MSH3: variants seen among roughly 807,000 people sequenced by gnomAD.
The protein encoded by MSH3 is DNA mismatch repair protein Msh3.
A neutral mutation model predicts 123.3 loss-of-function variants in MSH3; 106 were observed. The observed-to-expected ratio is 0.86, with a 90% CI of 0.73 to 1.01. The LOEUF is 1.01. Among genes scored for constraint, MSH3 ranks in the 50% least tolerant of loss-of-function variants. The pLI, the probability that MSH3 is intolerant of heterozygous loss-of-function variation, is 0.00. For synonymous variants in MSH3, 515 were observed against 481.4 expected (o/e 1.07, Z -0.91); for missense variants, 1,459 against 1,347.6 (o/e 1.08, Z -1.29).
chr5:80,863,363 A>G (rs368137977), intron 21 of MSH3, among the ~76,000 whole-genome samples: 2 of 152,130 alleles, frequency 1.3e-5, no homozygotes, highest in South Asian at 2.1e-4. Flanking sequence ...ACATAAATCA[A>G]ATACATTTAA....
At chr5:80,694,231 C>T (rs1750417420) in intron 8 of MSH3, among the ~76,000 whole-genome samples, 1 of 152,180 alleles carries the variant, frequency 6.6e-6, no homozygotes. Context: ...GTATTCATTA[C>T]CTCAGGATCT....
intron 10 of MSH3, among the ~76,000 whole-genome samples, chr5:80,740,579 C>G (rs1261443424): frequency 6.6e-6 from 1 of 152,064 alleles, no homozygotes; most frequent in African/African-American, 2.4e-5. Context: ...CCAGGATGGT[C>G]TCCATCTCTT....
At chr5:80,793,922 A>T (rs1400713215) in intron 19 of MSH3, among the ~76,000 whole-genome samples, 2 of 152,178 alleles carry the variant, frequency 1.3e-5, no homozygotes, top group African/African-American at 4.8e-5. Flanking sequence ...ATACTCCTGC[A>T]TAGGGAAGAG....
chr5:80,689,023 G>C (rs745833108), intron 8 of MSH3, among the ~76,000 whole-genome samples: 1 of 152,190 alleles, frequency 6.6e-6, no homozygotes, highest in African/African-American at 2.4e-5. Flanking sequence ...GAATAACATG[G>C]TGCCTAAATT....
chr5:80,705,869 T>C (rs1230862279), intron 8 of MSH3, among the ~76,000 whole-genome samples: 2 of 152,180 alleles, frequency 1.3e-5, no homozygotes, highest in Non-Finnish European at 2.9e-5. Context: ...GGCCTCACTT[T>C]AACTCTCTGC....
At chr5:80,822,503 A>T (rs913320904) in intron 20 of MSH3, among the ~76,000 whole-genome samples, 1 of 152,238 alleles carries the variant, frequency 6.6e-6, no homozygotes, top group Non-Finnish European at 1.5e-5. Context: ...ATGTGTGAGT[A>T]TAGTGCTCAC....
intron 20 of MSH3, among the ~76,000 whole-genome samples, chr5:80,843,553 G>A (rs6453527): frequency 0.7 from 106,333 of 151,278 alleles, 37,346 homozygotes; most frequent in South Asian, 0.8. Flanking sequence ...TTTGGTTGGT[G>A]GGCTATTAAT....
intron 17 of MSH3, among the ~76,000 whole-genome samples, chr5:80,780,754 G>A (rs761109504): frequency 2.0e-5 from 3 of 152,114 alleles, no homozygotes; most frequent in East Asian, 1.9e-4. Flanking sequence ...GTAATCCCAC[G>A]TAACTCAGTA....
intron 4 of MSH3, among the ~76,000 whole-genome samples, chr5:80,670,963 T>C (rs1749711543): frequency 6.6e-6 from 1 of 151,760 alleles, no homozygotes; most frequent in Non-Finnish European, 1.5e-5. Context: ...CTACTAAAAA[T>C]ATTAAAAAAA....
At chr5:80,765,834 G>T (rs1339759018) in intron 13 of MSH3, among the ~76,000 whole-genome samples, 1 of 152,090 alleles carries the variant, frequency 6.6e-6, no homozygotes, top group Non-Finnish European at 1.5e-5. Context: ...GAACCTTCCT[G>T]AGAAAGCACG....
intron 22 of MSH3, among the ~76,000 whole-genome samples, chr5:80,871,892 GT>G (rs1340459435): frequency 6.6e-6 from 1 of 152,134 alleles, no homozygotes; most frequent in Non-Finnish European, 1.5e-5. Context: ...ACAACAACCA[GT>G]CACTGGCTGT....
chr5:80,845,469 TCTC>T (rs1432115347), intron 20 of MSH3, among the ~76,000 whole-genome samples: 4 of 152,334 alleles, frequency 2.6e-5, no homozygotes, highest in South Asian at 2.1e-4. Flanking sequence ...TTAGGGAACT[TCTC>T]CTAGATAATA....
chr5:80,665,962 C>A (rs1677628), intron 3 of MSH3, among the ~76,000 whole-genome samples: 42,191 of 152,070 alleles, frequency 0.28, 6,092 homozygotes, highest in Middle Eastern at 0.35. Flanking sequence ...TGGAGAACTT[C>A]AAACAAAAAT....
chr5:80,679,111 T>C lies in MSH3; in HGVS notation c.1340+18T>C. On this transcript the variant is annotated intron_variant, in intron 8 of 23. Coordinates refer to ENST00000265081, the MANE Select transcript of MSH3 (RefSeq NM_002439.5). ...TCTGTTAGGTAAGTTGGCACATCAC[T>C]GGAATATAATACCGATTCTGAAACT... The C allele has an allele frequency of 1.2e-6, 2 of 1,612,308 alleles. No homozygotes were observed. The highest frequency in any genetic ancestry group is 2.2e-5 in the East Asian group (1 of 44,876).
At chr5:80,794,215 C>T (rs1232072051) in intron 19 of MSH3, among the ~76,000 whole-genome samples, 1 of 152,160 alleles carries the variant, frequency 6.6e-6, no homozygotes, top group Non-Finnish European at 1.5e-5. Flanking sequence ...CTAAGAAGGG[C>T]TTCAGCATCT....
At chr5:80,822,255 C>G (rs1468752906) in intron 20 of MSH3, among the ~76,000 whole-genome samples, 1 of 152,190 alleles carries the variant, frequency 6.6e-6, no homozygotes. Context: ...TACTTGAGCA[C>G]AAATCTTGCT....
chr5:80,732,411 TGTG>T (rs1580591791), intron 10 of MSH3, among the ~76,000 whole-genome samples: 1 of 151,776 alleles, frequency 6.6e-6, no homozygotes, highest in African/African-American at 2.4e-5. Context: ...AATGATAACA[TGTG>T]GTGATTACCT....
chr5:80,810,517 C>T (rs1462634454), intron 19 of MSH3, among the ~76,000 whole-genome samples: 1 of 152,072 alleles, frequency 6.6e-6, no homozygotes, highest in Admixed American at 6.6e-5. Flanking sequence ...TTCCATATTG[C>T]TCTCCATATC....
At chr5:80,819,133 T>C (rs138440089) in intron 20 of MSH3, among the ~76,000 whole-genome samples, 37 of 152,074 alleles carry the variant, frequency 2.4e-4, no homozygotes, top group African/African-American at 8.4e-4. Flanking sequence ...AGAAAAAGTA[T>C]CAAAATCATT....
Sources: gnomAD v4.1 joint callset for allele counts (sites outside exome capture counted in the v4.1 genomes callset) on GRCh38, gnomAD v4.1.1 for gene constraint, MANE v1.5 for transcripts, NCBI Gene and HGNC (gene_info 2026-07-23, HGNC 2026-07-21) for gene names.